DYSF: variants seen among roughly 807,000 people sequenced by gnomAD.
DYSF encodes dysferlin.
DYSF carries 212 observed loss-of-function variants against 274.9 expected under a neutral mutation model. The observed-to-expected ratio is 0.77, with a 90% CI of 0.69 to 0.86. The LOEUF (loss-of-function observed/expected upper bound fraction) is 0.86, where lower values mean the gene tolerates loss of function less well. Ranked by LOEUF, DYSF falls within the 40% of genes least tolerant of loss-of-function variation. The probability of loss-of-function intolerance (pLI) is 0.00; values close to 1 mark genes in which losing one functional copy is unlikely to be tolerated. For missense variants in DYSF, 2,666 were observed against 2,783.2 expected (o/e 0.96, Z 0.95); for synonymous variants, 1,091 against 1,078.7 (o/e 1.01, Z -0.22).
intron 26 of DYSF, 122 bp from the exon 27 acceptor site, chr2:71,569,698 C>T (rs1471808664): frequency 1.6e-5 from 13 of 804,904 alleles, no homozygotes; most frequent in South Asian, 1.0e-4. Flanking sequence ...CCCCACCCCC[C>T]ATGTCTCTCA....
rs769394497 is a variant in DYSF at position 71,503,331 on chromosome 2, T to G, written c.345+12T>G. 7.4e-6 allele frequency: 12 copies of G among 1,613,676 alleles called. No individual in the cohort carries two copies. In the African/African-American group the frequency reaches 1.3e-4, roughly 18 times the overall value. ...AGCAGCCCACAGGGGTAAGTGCCCATCAGCCTCTGCCAGGTTAAGGTCCAA... is the reference window on the plus strand; with the variant it reads ...AGCAGCCCACAGGGGTAAGTGCCCAGCAGCCTCTGCCAGGTTAAGGTCCAA... On this transcript the variant is annotated intron_variant, in intron 4 of 55. Transcript: ENST00000410020.
intron 24 of DYSF, among the ~76,000 whole-genome samples, chr2:71,565,266 A>ATTTTTTTTTTTTTTTTTTT (rs1236133814): frequency 1.5e-4 from 17 of 113,806 alleles, no homozygotes; most frequent in African/African-American, 6.1e-4. Context: ...TTTTTTTTTA[A>ATTTTTTTTTTTTTTTTTTT]TTTTAGTGGA....
rs556133579 is a variant in DYSF, at chr2:71,509,905, A to G, written c.346-1902A>G. Among the ~76,000 whole-genome samples the G allele has an allele frequency of 2.8e-3, 421 of 152,224 alleles. 1 individual carries two copies. The highest frequency in any genetic ancestry group is 9.8e-3 in the African/African-American group (406 of 41,538). ...ATTCTCCTGCCTCAGCCTCCTGAGT[A>G]GCAGGGATTACAGGTGCATGCCACC... On this transcript the variant is annotated intron_variant, in intron 4 of 55. Transcript: ENST00000410020.
intron 53 of DYSF, among the ~76,000 whole-genome samples, chr2:71,680,637 G>A (rs569103013): frequency 5.9e-5 from 9 of 152,236 alleles, no homozygotes; most frequent in Non-Finnish European, 7.4e-5. Flanking sequence ...ATTAAAAACC[G>A]AACTTTAAAG....
In DYSF at chr2:71,539,168, C is replaced by G. The variant is rs1271466681; in HGVS notation, c.1505C>G (p.Thr502Ser). The G allele has an allele frequency of 6.2e-7, 1 of 1,614,090 alleles. No individual in the cohort carries two copies. The highest frequency in any genetic ancestry group is 1.7e-5 in the Admixed American group (1 of 60,020). The part of the protein sequence containing the change: ...RIRIIDWDRL[T>S]HNDIVATTYL... The stretch of plus-strand genomic sequence containing the variant: ...CTCCCTTGCTCTAGGGACCGCCTGA[C>G]TCACAATGACATCGTGGCTACCACC... Residue 502 changes from threonine (T) to serine (S), a missense_variant, in exon 17 of 56, where the codon ACT becomes AGT. By Grantham distance (58) the Thr-to-Ser change is moderately conservative. This residue lies in a region of DYSF where 794 missense variants were observed against 777.1 expected (regional missense o/e 1.02). Coordinates refer to ENST00000410020, the MANE Select transcript of DYSF (RefSeq NM_001130987.2).
Position 71,503,200 on chromosome 2 carries a change from C to T in DYSF, c.240-14C>T, listed in dbSNP as rs1420373502. 3 of 1,613,150 alleles carry T rather than the reference C, an allele frequency of 1.9e-6. No homozygotes were observed. The highest frequency in any genetic ancestry group is 2.5e-6 in the Non-Finnish European group (3 of 1,179,280). On this transcript the variant is annotated splice_polypyrimidine_tract_variant and intron_variant, in intron 3 of 55. Transcript: ENST00000410020. ...TAGGCTAGTTTTCTACATTTGACTT[C>T]TCTCTCCTCTCAGGTTCCTGGGGGA...
At chr2:71,684,282 CA>C (rs1197295058) in intron 55 of DYSF, among the ~76,000 whole-genome samples, 1 of 152,010 alleles carries the variant, frequency 6.6e-6, no homozygotes, top group Non-Finnish European at 1.5e-5. Flanking sequence ...TGGTGTCCTG[CA>C]GCATGAGCTG....
chr2:71,678,942 A>G, intron 52 of DYSF, 115 bp from the exon 53 acceptor site: 2 of 914,746 alleles, frequency 2.2e-6, no homozygotes, highest in Non-Finnish European at 3.6e-6. Context: ...TCGGCCATGG[A>G]TAGAAGCTGG....
intron 1 of DYSF, among the ~76,000 whole-genome samples, chr2:71,467,412 G>A (rs751960613): frequency 2.0e-5 from 3 of 152,172 alleles, no homozygotes; most frequent in African/African-American, 4.8e-5. Flanking sequence ...GTCTTAATCA[G>A]TAGGAAAAGG....
chr2:71,571,037 T>TCACACCCACAGA (rs1559187866), intron 29 of DYSF: 13 of 397,574 alleles, frequency 3.3e-5, no homozygotes, highest in African/African-American at 2.2e-4. Context: ...CACACACAGA[T>TCACACCCACAGA]TACACCCAGC....
chr2:71,601,517 C>G lies in DYSF; in HGVS notation c.3916C>G (p.Pro1306Ala), dbSNP rs370620594. Residue 1306 changes from proline to alanine, a missense_variant, in exon 35 of 56, where the codon CCT becomes GCT. Coordinates refer to ENST00000410020, the MANE Select transcript of DYSF (RefSeq NM_001130987.2). ...QREKPAIHHI[P>A]GFEVQETSRI... is the part of the protein sequence containing the mutation. ...ACTCCAGCCGGCCATCCACCATATT[C>G]CTGGTTTTGAGGTAAGTCTTGCTCT... is the stretch of plus-strand genomic sequence containing the variant. 16 of 1,614,172 alleles carry G rather than the reference C, an allele frequency of 9.9e-6. No homozygotes were observed. The highest frequency in any genetic ancestry group is 1.4e-5 in the Non-Finnish European group (16 of 1,180,042).
intron 40 of DYSF, among the ~76,000 whole-genome samples, chr2:71,617,006 C>T (rs1424296042): frequency 6.6e-6 from 1 of 152,122 alleles, no homozygotes; most frequent in East Asian, 1.9e-4. Context: ...GAGCCTGCCA[C>T]CCCCTGTCCA....
At chr2:71,654,995 G>A (rs2094741003) in intron 42 of DYSF, among the ~76,000 whole-genome samples, 1 of 152,118 alleles carries the variant, frequency 6.6e-6, no homozygotes, top group Non-Finnish European at 1.5e-5. Flanking sequence ...GGAGGCTAAG[G>A]TGGGGGGATC....
At chr2:71,511,534 A>G (rs2086094076) in intron 4 of DYSF, among the ~76,000 whole-genome samples, 1 of 152,188 alleles carries the variant, frequency 6.6e-6, no homozygotes, top group Non-Finnish European at 1.5e-5. Context: ...CCCCAATTTT[A>G]TAGATGAGGA....
chr2:71,669,841 T>C, intron 51 of DYSF, 95 bp downstream of exon 51: 1 of 1,543,474 alleles, frequency 6.5e-7, no homozygotes. Context: ...ACTGTCACAA[T>C]CTCACTGCTG....
chr2:71,475,011 G>T (rs2082298716), intron 1 of DYSF, among the ~76,000 whole-genome samples: 2 of 152,156 alleles, frequency 1.3e-5, no homozygotes, highest in African/African-American at 4.8e-5. Context: ...CTTTTATTAT[G>T]ATCCACTGAT....
At chr2:71,612,966 G>A (rs1008602850) in intron 39 of DYSF, among the ~76,000 whole-genome samples, 160 bp downstream of exon 39, 2 of 152,166 alleles carry the variant, frequency 1.3e-5, no homozygotes, top group East Asian at 3.9e-4. Flanking sequence ...CCTTCCTTAG[G>A]GCAGAGCCTA....
chr2:71,668,433 C>T (rs1238400462), intron 48 of DYSF, among the ~76,000 whole-genome samples: 1 of 152,144 alleles, frequency 6.6e-6, no homozygotes, highest in African/African-American at 2.4e-5. Context: ...CTGAGCCCTC[C>T]ATAACTGAAC....
chr2:71,513,983 C>A, intron 7 of DYSF, 62 bp downstream of exon 7: 1 of 1,593,202 alleles, frequency 6.3e-7, no homozygotes, highest in Non-Finnish European at 8.6e-7. Flanking sequence ...GGGTGCCAGG[C>A]ACCTGCCTGG....
Sources: gnomAD v4.1 joint callset for allele counts (sites outside exome capture counted in the v4.1 genomes callset) on GRCh38, gnomAD v4.1.1 for gene constraint, gnomAD v4.1.1 regional missense constraint, MANE v1.5 for transcripts, NCBI Gene and HGNC (gene_info 2026-07-23, HGNC 2026-07-21) for gene names.